AVEN: variants seen among roughly 807,000 people sequenced by gnomAD.
The protein encoded by AVEN is cell death regulator Aven.
A neutral mutation model predicts 38.1 loss-of-function variants in AVEN; 41 were observed. The ratio of observed to expected loss-of-function variants is 1.08; its 90% confidence interval spans 0.84 to 1.40. AVEN has a LOEUF of 1.40. Ranked by LOEUF, AVEN falls within the 40% of genes most tolerant of loss-of-function variation. The pLI, the probability that AVEN is intolerant of heterozygous loss-of-function variation, is 0.00. For missense variants in AVEN, 605 were observed against 438.8 expected (o/e 1.38, Z -3.38); for synonymous variants, 206 against 171.8 (o/e 1.20, Z -1.56).
intron 2 of AVEN, among the ~76,000 whole-genome samples, chr15:33,886,398 G>T (rs1597192321): frequency 1.3e-5 from 2 of 152,292 alleles, no homozygotes; most frequent in Admixed American, 1.3e-4. Flanking sequence ...CGCCTCCCAG[G>T]TTCAAGTGAG....
At chr15:33,909,169 T>C (rs538079009) in intron 2 of AVEN, among the ~76,000 whole-genome samples, 1 of 152,348 alleles carries the variant, frequency 6.6e-6, no homozygotes, top group South Asian at 2.1e-4. Context: ...ATAGCCAGCT[T>C]CTACCCTTAT....
rs555065994 is a variant in AVEN, at chr15:33,932,625, G to C, written c.446-56630C>G. ...AGGGATCATGAGGTCAGGAGTTCAA[G>C]ACCAGCCTAGCCAACATGATGAAAC... On this transcript the variant is annotated intron_variant, in intron 2 of 5. Transcript: ENST00000306730. Among the ~76,000 whole-genome samples, 7 of 152,230 alleles carry C rather than the reference G, an allele frequency of 4.6e-5. No homozygotes were observed. The South Asian group carries it at 1.5e-3, about 32-fold the overall frequency.
At chr15:34,007,972 C>T (rs1897435810) in intron 1 of AVEN, among the ~76,000 whole-genome samples, 1 of 152,182 alleles carries the variant, frequency 6.6e-6, no homozygotes, top group Non-Finnish European at 1.5e-5. Context: ...TAGGGCCTAC[C>T]TTAATCAAGT....
chr15:33,936,132 C>G (rs1339691042), intron 2 of AVEN, among the ~76,000 whole-genome samples: 2 of 151,242 alleles, frequency 1.3e-5, no homozygotes, highest in African/African-American at 2.4e-5. Flanking sequence ...GGCATTCCCA[C>G]TAAAGAAAAA....
chr15:33,969,591 T>C (rs1424371777), intron 2 of AVEN, among the ~76,000 whole-genome samples: 1 of 152,058 alleles, frequency 6.6e-6, no homozygotes, highest in African/African-American at 2.4e-5. Context: ...AAAAGCTCAA[T>C]GACTGATTTC....
intron 5 of AVEN, among the ~76,000 whole-genome samples, chr15:34,054,350 A>G (rs1900049064): frequency 1.3e-5 from 2 of 152,204 alleles, no homozygotes; most frequent in South Asian, 4.1e-4. Context: ...GGGACTATAA[A>G]TCATTCTATC....
At chr15:33,857,479 G>A (rs1048963108), downstream of AVEN, among the ~76,000 whole-genome samples, 2 of 152,052 alleles carry the variant, frequency 1.3e-5, no homozygotes, top group African/African-American at 4.8e-5. Context: ...TCCAAATACA[G>A]TCACATTCTG....
At chr15:33,872,461 G>A (rs1293983840) in intron 3 of AVEN, among the ~76,000 whole-genome samples, 1 of 152,158 alleles carries the variant, frequency 6.6e-6, no homozygotes, top group Admixed American at 6.5e-5. Context: ...GAGACCATGT[G>A]TACATGGTAT....
chr15:33,866,704 TCA>T lies in AVEN; in HGVS notation c.996_997del (p.Glu333ArgfsTer7). On this transcript the variant is annotated frameshift_variant, in exon 6 of 6. Transcript: ENST00000306730. LOFTEE classifies it high-confidence loss of function. ...TTGCTCAGGTTCCATGTTTTTTTCT[TCA>T]GTCACAGATGGTTTTGCACAAACTG... The T allele has an allele frequency of 6.2e-7, 1 of 1,614,014 alleles. No homozygotes were observed. The highest frequency in any genetic ancestry group is 1.1e-5 in the South Asian group (1 of 91,068).
intron 1 of AVEN, 139 bp downstream of exon 1, chr15:34,038,641 G>A (rs1899279555): frequency 5.3e-6 from 4 of 759,734 alleles, no homozygotes; most frequent in African/African-American, 1.9e-5. Context: ...GCCACCATCC[G>A]CCCGTCCCGC....
chr15:33,953,537 G>A (rs929135861), intron 2 of AVEN, among the ~76,000 whole-genome samples: 1 of 152,186 alleles, frequency 6.6e-6, no homozygotes, highest in South Asian at 2.1e-4. Context: ...AAGCAATGGG[G>A]AAAGGATTCC....
chr15:34,068,283 G>A (rs1381156349), intron 2 of AVEN, among the ~76,000 whole-genome samples: 1 of 150,168 alleles, frequency 6.7e-6, no homozygotes, highest in East Asian at 2.0e-4. Context: ...CCAGGCTGGA[G>A]TGGCAGCTTC....
At chr15:34,039,236 C>G (rs1047240076), upstream of AVEN, 10 of 320,942 alleles carry the variant, frequency 3.1e-5, 1 homozygote, top group Non-Finnish European at 3.2e-5. Context: ...GCCGGCGTCC[C>G]GCAGGTGGGG....
chr15:33,942,605 C>G (rs1841950310), intron 2 of AVEN, among the ~76,000 whole-genome samples: 1 of 152,088 alleles, frequency 6.6e-6, no homozygotes, highest in South Asian at 2.1e-4. Context: ...CACCCGCCAC[C>G]ATGCCCGGCT....
intron 2 of AVEN, among the ~76,000 whole-genome samples, chr15:33,976,564 T>C (rs762891407): frequency 2.6e-5 from 4 of 152,226 alleles, no homozygotes; most frequent in Non-Finnish European, 4.4e-5. Flanking sequence ...CACACTTTTA[T>C]TCTGTAAGTG....
At chr15:33,965,796 G>A (rs1354153854) in intron 2 of AVEN, among the ~76,000 whole-genome samples, 1 of 151,930 alleles carries the variant, frequency 6.6e-6, no homozygotes, top group Non-Finnish European at 1.5e-5. Context: ...TATTTAGGGT[G>A]GAAAAACAAG....
chr15:33,851,936 T>C, the AVEN span: 1 of 152,194 alleles, frequency 6.6e-6, no homozygotes, highest in Non-Finnish European at 1.5e-5. Flanking sequence ...GTTTACTCTG[T>C]AACACCAGCA....
At chr15:33,946,017 C>G (rs990426895) in intron 2 of AVEN, among the ~76,000 whole-genome samples, 1 of 152,166 alleles carries the variant, frequency 6.6e-6, no homozygotes, top group Non-Finnish European at 1.5e-5. Context: ...ATATTTTATT[C>G]TTAGTGTCTG....
Position 33,866,371 on chromosome 15 carries a change from GTCTATCTCCTGCCCTTAAGGAAA to G in AVEN, c.*219_*241del, listed in dbSNP as rs1567381117. ...AAGGAGGCTAGAAACAAGGGCCAGA[GTCTATCTCCTGCCCTTAAGGAAA>G]TCTATTAGATTACTAAGCCAGAAAA... On this transcript the variant is annotated 3_prime_UTR_variant, in exon 6 of 6. Transcript: ENST00000306730. 3 of 545,824 alleles carry G rather than the reference GTCTATCTCCTGCCCTTAAGGAAA, an allele frequency of 5.5e-6. No homozygotes were observed. Among genetic ancestry groups the G allele is most frequent in the African/African-American group, 1.9e-5 (1 of 52,958 alleles). 33.8% of individuals were successfully genotyped at this position (545,824 alleles called of 1,614,324 possible).
Sources: allele counts gnomAD v4.1 joint callset (sites outside exome capture counted in the v4.1 genomes callset), GRCh38; gene constraint gnomAD v4.1.1; transcripts MANE v1.5; gene names NCBI Gene and HGNC (gene_info 2026-07-23, HGNC 2026-07-21).